DGAT1: variants seen among roughly 807,000 people sequenced by gnomAD.
DGAT1 encodes the protein diacylglycerol O-acyltransferase 1.
Under a neutral mutation model 72.6 loss-of-function variants are expected in DGAT1, and 60 were observed. The ratio of observed to expected loss-of-function variants is 0.83; its 90% CI spans 0.67 to 1.02. DGAT1 has a LOEUF of 1.02. DGAT1 is among the 50% of genes least tolerant of loss of function. The probability of loss-of-function intolerance (pLI) is 0.00; values close to 1 mark genes in which losing one functional copy is unlikely to be tolerated. For missense variants in DGAT1, 592 were observed against 670.0 expected (o/e 0.88, Z 1.29); for synonymous variants, 290 against 267.5 (o/e 1.08, Z -0.82).
intron 14 of DGAT1, 39 bp from the exon 15 acceptor site, chr8:144,317,148 A>G (rs1751623743): frequency 6.2e-7 from 1 of 1,611,058 alleles, no homozygotes; most frequent in Non-Finnish European, 8.5e-7. Context: ...TCAGGTTCAC[A>G]GCCATGTTCC....
intron 5 of DGAT1, 38 bp downstream of exon 5, chr8:144,318,661 C>G: frequency 6.2e-7 from 1 of 1,607,172 alleles, no homozygotes; most frequent in Non-Finnish European, 8.5e-7. Flanking sequence ...GCGCACACAG[C>G]AGGGTGAGCA....
rs782293198 is a variant in DGAT1, at chr8:144,318,346, C to G, written c.591G>C (p.Ala197=). ...ESITPVGSLL[A]LMAHTILFLK... ...GGAAGAGGATGGTGTGCGCCATCAG[C>G]GCCAGCAGGGAGCCCACTGCAGGAG... Residue 197 remains alanine, a synonymous_variant, in exon 7 of 17, where the codon GCG becomes GCC. Transcript: ENST00000528718. 1.2e-6 allele frequency: 2 copies of G among 1,611,470 alleles called. No homozygotes were observed. Among genetic ancestry groups the G allele is most frequent in the African/African-American group, 1.3e-5 (1 of 75,040 alleles).
At chr8:144,318,967 T>TG in intron 3 of DGAT1, 47 bp from the exon 4 acceptor site, 1 of 652,162 alleles carries the variant, frequency 1.5e-6, no homozygotes, top group Non-Finnish European at 2.0e-6. Flanking sequence ...GGTGGGGCTG[T>TG]GGGGCGGGGC....
rs933959904 is a variant in DGAT1, at chr8:144,318,262, A to T, written c.675T>A (p.Ala225=). Residue 225 remains alanine (A), a splice_region_variant and synonymous_variant, in exon 7 of 17, where the codon GCT becomes GCA. Transcript: ENST00000528718. The part of the protein sequence containing the change: ...NSWCRRARAK[A]ASAGKKASSA... ...CCCCAGCCCCTGGCAGCCCCTCACC[A>T]GCCTTGGCCCTGGCCCTGCGGCACC... 2 of 1,612,546 alleles carry T rather than the reference A, an allele frequency of 1.2e-6. No individual in the cohort carries two copies. The highest frequency in any genetic ancestry group is 1.7e-5 in the Admixed American group (1 of 59,990).
Position 144,318,531 on chromosome 8 carries a change from G to C in DGAT1, c.504C>G (p.His168Gln), listed in dbSNP as rs142277695. 1 of 1,611,806 alleles carries C rather than the reference G, an allele frequency of 6.2e-7. No individual in the cohort carries two copies. The highest frequency in any genetic ancestry group is 1.7e-5 in the Admixed American group (1 of 59,960). The change falls in exon 6 of 17, where the codon CAC becomes CAG. Residue 168 changes from histidine to glutamine, a missense_variant. Coordinates refer to ENST00000528718, the MANE Select transcript of DGAT1 (RefSeq NM_012079.6). Reference protein sequence around the residue: ...ALTEQAGLLLHVANLATILCF... With the variant: ...ALTEQAGLLLQVANLATILCF... ...ACAGAATGGTGGCCAGGTTGGCCAC[G>C]TGCAGCAGCAGTCCCGCCTGCTCCG...
Position 144,315,577 on chromosome 8 carries a change from C to CT in DGAT1, c.*976dup, listed in dbSNP as rs1228098528. 1 of 985,552 alleles carries CT rather than the reference C, an allele frequency of 1.0e-6. No homozygotes were observed. Among genetic ancestry groups the CT allele is most frequent in the Non-Finnish European group, 1.2e-6 (1 of 830,096 alleles). 61.1% of individuals were successfully genotyped at this position (985,552 alleles called of 1,614,324 possible). A position where few individuals can be genotyped will look rare whatever the true frequency, so the allele number is the denominator to read the frequency against. On this transcript the variant is annotated 3_prime_UTR_variant, in exon 17 of 17. Transcript: ENST00000528718. ...CAGCAGCAGGGCCCTGGGGTTACCC[C>CT]TGACCTCCCGCTACCATCAAGGGGG... is the stretch of plus-strand genomic sequence containing the variant.
At chr8:144,324,870 C>G (rs888932093) in intron 1 of DGAT1, among the ~76,000 whole-genome samples, 1 of 152,014 alleles carries the variant, frequency 6.6e-6, no homozygotes, top group African/African-American at 2.4e-5. Flanking sequence ...GAGTTCGAGA[C>G]CAGCCTGACC....
At chr8:144,320,130 T>G (rs1479340282) in intron 2 of DGAT1, among the ~76,000 whole-genome samples, 4 of 152,150 alleles carry the variant, frequency 2.6e-5, no homozygotes, top group Non-Finnish European at 5.9e-5. Context: ...GGTACCCACC[T>G]CCAGGCCCAG....
chr8:144,317,136 G>C (rs782211078), intron 14 of DGAT1, 27 bp from the exon 15 acceptor site: 1 of 1,612,594 alleles, frequency 6.2e-7, no homozygotes, highest in East Asian at 2.2e-5. Flanking sequence ...ATGGAAAGCG[G>C]TTCAGGTTCA....
chr8:144,316,464 C>T lies in DGAT1; in HGVS notation c.*90G>A. ...CAGAGGAGGATGCTGTGCAGCCAGG[C>T]CCATCCCCAGCACTCGAGGCCTAGG... On this transcript the variant is annotated 3_prime_UTR_variant, in exon 17 of 17. Transcript: ENST00000528718. 4 of 1,442,318 alleles carry T rather than the reference C, an allele frequency of 2.8e-6. No individual in the cohort carries two copies. The South Asian group carries it at 5.4e-5, about 20-fold the overall frequency. The allele number at this position is 1,442,318 out of a possible 1,614,324, so 89.3% of individuals were successfully genotyped here. A position where few individuals can be genotyped will look rare whatever the true frequency, so the allele number is the denominator to read the frequency against.
Position 144,317,925 on chromosome 8 carries a change from T to C in DGAT1, c.844A>G (p.Ile282Val), listed in dbSNP as rs1333447982. 14 of 1,522,198 alleles carry C rather than the reference T, an allele frequency of 9.2e-6. No individual in the cohort carries two copies. In the East Asian group the frequency reaches 3.2e-4, roughly 35 times the overall value. The allele number at this position is 1,522,198 out of a possible 1,614,324, so 94.3% of individuals were successfully genotyped here. A position where few individuals can be genotyped will look rare whatever the true frequency, so the allele number is the denominator to read the frequency against. Residue 282 changes from isoleucine to valine, a missense_variant, in exon 9 of 17, where the codon ATC becomes GTC. By Grantham distance (29) the Ile-to-Val change is conservative. Coordinates refer to ENST00000528718, the MANE Select transcript of DGAT1 (RefSeq NM_012079.6). ...RIRKRFLLRRILEMLFFTQLQ... is the reference protein window; with the variant it reads ...RIRKRFLLRRVLEMLFFTQLQ... The stretch of plus-strand genomic sequence containing the variant: ...GCCCCCAACCTCACCATCTCAAGGA[T>C]CCGTCGCAGCAGAAAGCGCTTCCGG...
chr8:144,323,024 C>T (rs782706146), intron 1 of DGAT1, among the ~76,000 whole-genome samples: 37 of 152,352 alleles, frequency 2.4e-4, no homozygotes, highest in Non-Finnish European at 4.6e-4. Context: ...AACTGCCCAG[C>T]AGCCTCTCTG....
rs782312241 is a variant in DGAT1, at chr8:144,321,314, C to T, written c.288+7G>A. On this transcript the variant is annotated splice_region_variant and intron_variant, in intron 2 of 16. Coordinates refer to ENST00000528718, the MANE Select transcript of DGAT1 (RefSeq NM_012079.6). Reference sequence around the variant, plus strand: ...TAGACCCGCTCCCGACACCATGTCCCACTCACCAGCATCACCACACACCAG... The same window carrying T: ...TAGACCCGCTCCCGACACCATGTCCTACTCACCAGCATCACCACACACCAG... The T allele has an allele frequency of 3.1e-6, 5 of 1,613,562 alleles. No individual in the cohort carries two copies. The highest frequency in any genetic ancestry group is 3.3e-5 in the Admixed American group (2 of 59,996).
At chr8:144,324,717 C>T (rs1169510704) in intron 1 of DGAT1, among the ~76,000 whole-genome samples, 2 of 152,140 alleles carry the variant, frequency 1.3e-5, no homozygotes, top group Non-Finnish European at 1.5e-5. Flanking sequence ...CCCCTGCCTA[C>T]CCCCAGGTGG....
chr8:144,315,159 C>T lies in DGAT1; in HGVS notation c.*1395G>A, dbSNP rs1471787768. On this transcript the variant is annotated 3_prime_UTR_variant, in exon 17 of 17. Transcript: ENST00000528718. ...AGTGGAGCAGGCTTTGCTGCTTTAT[C>T]TGGCAGCAACAGTTTGTTCTCGAGC... 5 of 985,490 alleles carry T rather than the reference C, an allele frequency of 5.1e-6. No homozygotes were observed. The highest frequency in any genetic ancestry group is 6.1e-5 in the Admixed American group (1 of 16,286). The allele number at this position is 985,490 out of a possible 1,614,324, so 61.0% of individuals were successfully genotyped here. A position where few individuals can be genotyped will look rare whatever the true frequency, so the allele number is the denominator to read the frequency against.
intron 2 of DGAT1, among the ~76,000 whole-genome samples, chr8:144,320,739 A>G (rs1319738575): frequency 1.3e-5 from 2 of 152,074 alleles, no homozygotes; most frequent in Admixed American, 6.5e-5. Context: ...ACAGGGCTCC[A>G]TCTAATCACC....
At position 144,318,313 on chromosome 8, in the gene DGAT1, G is replaced by A. The variant is rs1404519498; in HGVS notation, c.624C>T (p.Leu208=). 6.2e-7 allele frequency: 1 copy of A among 1,612,706 alleles called. No individual in the cohort carries two copies. The highest frequency in any genetic ancestry group is 1.3e-5 in the African/African-American group (1 of 74,944). The part of the protein sequence containing the change: ...LMAHTILFLK[L]FSYRDVNSWC... ...ATGAGTTGACGTCGCGGTAGGAGAA[G>A]AGCTTGAGGAAGAGGATGGTGTGCG... Residue 208 remains leucine, a synonymous_variant, in exon 7 of 17, where the codon CTC becomes CTT. Coordinates refer to ENST00000528718, the MANE Select transcript of DGAT1 (RefSeq NM_012079.6).
At position 144,318,498 on chromosome 8, in the gene DGAT1, T is replaced by C. The variant is rs782412053; in HGVS notation, c.537A>G (p.Pro179=). The C allele has an allele frequency of 2.4e-5, 39 of 1,611,594 alleles. No homozygotes were observed. Among genetic ancestry groups the C allele is most frequent in the Non-Finnish European group, 2.9e-5 (34 of 1,179,918 alleles). ...ACTCAACCAGTAAGACCACAGCCGC[T>C]GGGAAACACAGAATGGTGGCCAGGT... The part of the protein sequence containing the change: ...VANLATILCF[P]AAVVLLVESI... The change falls in exon 6 of 17, where the codon CCA becomes CCG. Residue 179 remains proline, a synonymous_variant. Coordinates refer to ENST00000528718, the MANE Select transcript of DGAT1 (RefSeq NM_012079.6).
chr8:144,316,904 G>C lies in DGAT1; in HGVS notation c.1260C>G (p.Ser420Arg), dbSNP rs372051069. 1 of 1,612,314 alleles carries C rather than the reference G, an allele frequency of 6.2e-7. No individual in the cohort carries two copies. Among genetic ancestry groups the C allele is most frequent in the Non-Finnish European group, 8.5e-7 (1 of 1,179,676 alleles). ...ASAFFHEYLV[S>R]VPLRMFRLWA... Reference sequence around the variant, plus strand: ...AGAGGCGGAACATTCGCAGAGGGACGCTCACCAGGTACTGAGATGGGAGGG... The same window carrying C: ...AGAGGCGGAACATTCGCAGAGGGACCCTCACCAGGTACTGAGATGGGAGGG... The change falls in exon 16 of 17, where the codon AGC becomes AGG. Residue 420 changes from serine to arginine, a missense_variant. Physicochemically the swap from Ser to Arg is moderately radical, Grantham distance 110. Coordinates refer to ENST00000528718, the MANE Select transcript of DGAT1 (RefSeq NM_012079.6).
Sources: allele counts gnomAD v4.1 joint callset (sites outside exome capture counted in the v4.1 genomes callset), GRCh38; gene constraint gnomAD v4.1.1; transcripts MANE v1.5; gene names NCBI Gene and HGNC (gene_info 2026-07-23, HGNC 2026-07-21).